Variants in IL17RD observed in about 807,000 individuals in gnomAD.
IL17RD encodes the protein interleukin-17 receptor D.
A neutral mutation model predicts 80.5 loss-of-function variants in IL17RD; 52 were observed. The ratio of observed to expected loss-of-function variants is 0.65; its 90% CI spans 0.52 to 0.81. The LOEUF is 0.81. Among genes scored for constraint, IL17RD ranks in the 40% least tolerant of loss-of-function variants. The pLI, the probability that IL17RD is intolerant of heterozygous loss-of-function variation, is 0.00. For synonymous variants in IL17RD, 416 were observed against 391.8 expected, an observed-to-expected ratio of 1.06 and a Z score of -0.73; for missense variants, 1,024 against 955.1, an observed-to-expected ratio of 1.07 and a Z score of -0.95.
intron 1 of IL17RD, among the ~76,000 whole-genome samples, chr3:57,157,279 G>T (rs530170743): frequency 7.9e-5 from 12 of 152,322 alleles, no homozygotes; most frequent in African/African-American, 2.6e-4. Context: ...AGCAGCAGAA[G>T]CCCGTTCAAG....
intron 5 of IL17RD, among the ~76,000 whole-genome samples, chr3:57,109,049 T>C (rs1403277384): frequency 6.6e-6 from 1 of 152,220 alleles, no homozygotes; most frequent in Non-Finnish European, 1.5e-5. Flanking sequence ...AGATGAGCAG[T>C]GTCTATACCT....
At position 57,114,786 on chromosome 3, in the gene IL17RD, C is replaced by T. The variant is rs778646958; in HGVS notation, c.216G>A (p.Lys72=). 131 of 1,610,522 alleles carry T rather than the reference C, an allele frequency of 8.1e-5. 1 individual carries two copies. In the East Asian group the frequency reaches 2.7e-3, roughly 33 times the overall value. ...TATTCTGGGCGTCAGCAATCACATGCTTCCCCACTGGATTCAAGTAGGTGG... is the reference window on the plus strand; with the variant it reads ...TATTCTGGGCGTCAGCAATCACATGTTTCCCCACTGGATTCAAGTAGGTGG... The part of the protein sequence containing the change: ...NCTTYLNPVG[K]HVIADAQNIT... The change falls in exon 3 of 13, where the codon AAG becomes AAA. Residue 72 remains lysine (K), a synonymous_variant. Coordinates refer to ENST00000296318, the MANE Select transcript of IL17RD (RefSeq NM_017563.5).
upstream of IL17RD, among the ~76,000 whole-genome samples, chr3:57,168,987 G>A (rs1256733689): frequency 6.6e-6 from 1 of 152,214 alleles, no homozygotes; most frequent in Non-Finnish European, 1.5e-5. Flanking sequence ...CAAAATGCTG[G>A]GATTAAAGGC....
At chr3:57,123,089 C>T (rs1445561492) in intron 1 of IL17RD, among the ~76,000 whole-genome samples, 13 of 152,160 alleles carry the variant, frequency 8.5e-5, no homozygotes, top group Non-Finnish European at 1.5e-5. Context: ...TAAATCCCTC[C>T]AAATAAAGTC....
rs188952961 is a variant in IL17RD, at chr3:57,108,462, G to C, written c.550+1075C>G. On this transcript the variant is annotated intron_variant, in intron 5 of 12. Coordinates refer to ENST00000296318, the MANE Select transcript of IL17RD (RefSeq NM_017563.5). The stretch of plus-strand genomic sequence containing the variant: ...CTCAGGATTACAGGCATGAGCCACC[G>C]AGCCAGGCCAATTTTTTTTCTTTAA... Among the ~76,000 whole-genome samples, 155 of 143,320 alleles carry C rather than the reference G, an allele frequency of 1.1e-3. 1 individual carries two copies. Among genetic ancestry groups the C allele is most frequent in the Non-Finnish European group, 1.9e-3 (128 of 66,176 alleles). The allele number at this position is 143,320 out of a possible 152,430, so 94.0% of individuals were successfully genotyped here. A position where few individuals can be genotyped will look rare whatever the true frequency, so the allele number is the denominator to read the frequency against.
chr3:57,110,563 T>C (rs1171324482), intron 3 of IL17RD, among the ~76,000 whole-genome samples: 1 of 152,236 alleles, frequency 6.6e-6, no homozygotes, highest in Non-Finnish European at 1.5e-5. Flanking sequence ...TAAATACCTA[T>C]TGCCTCTCTG....
intron 7 of IL17RD, among the ~76,000 whole-genome samples, chr3:57,105,552 A>AAAAAATATATATATATAT: frequency 2.0e-4 from 13 of 63,574 alleles, no homozygotes; most frequent in Admixed American, 5.8e-4. Flanking sequence ...AAAAAAAAAA[A>AAAAAATATATATATATAT]ATATATATAT....
chr3:57,131,787 C>T (rs960761872), intron 1 of IL17RD, among the ~76,000 whole-genome samples: 6 of 152,316 alleles, frequency 3.9e-5, no homozygotes, highest in Admixed American at 1.3e-4. Context: ...ACCCCTGAAG[C>T]CCCCAGACCT....
At chr3:57,136,637 CACT>C in intron 1 of IL17RD, among the ~76,000 whole-genome samples, 1 of 121,818 alleles carries the variant, frequency 8.2e-6, no homozygotes, top group Non-Finnish European at 1.7e-5. Context: ...CCCCAACCCC[CACT>C]CAAAAAAAAA....
intron 1 of IL17RD, among the ~76,000 whole-genome samples, chr3:57,130,419 C>A (rs1259092564): frequency 6.6e-6 from 1 of 152,226 alleles, no homozygotes; most frequent in East Asian, 1.9e-4. Flanking sequence ...ACCATAACCA[C>A]CCTTGGGTGA....
At chr3:57,169,592 T>C (rs998940549), upstream of IL17RD, among the ~76,000 whole-genome samples, 49 of 152,282 alleles carry the variant, frequency 3.2e-4, no homozygotes, top group African/African-American at 1.1e-3. Context: ...ATGAATCATT[T>C]TGAGCAGGGA....
intron 1 of IL17RD, among the ~76,000 whole-genome samples, chr3:57,151,012 ATGTT>A (rs1708048726): frequency 6.6e-6 from 1 of 152,190 alleles, no homozygotes; most frequent in Admixed American, 6.5e-5. Context: ...TTAATATCAC[ATGTT>A]TATTTAGCCC....
At chr3:57,165,360 T>A, upstream of IL17RD, 1 of 1,159,136 alleles carries the variant, frequency 8.6e-7, no homozygotes, top group South Asian at 4.2e-5. Flanking sequence ...GAGTGGGCGG[T>A]GGCCGCGGCG....
At chr3:57,161,242 G>A (rs1384939237) in intron 1 of IL17RD, among the ~76,000 whole-genome samples, 1 of 152,208 alleles carries the variant, frequency 6.6e-6, no homozygotes. Context: ...GGACAACATG[G>A]CCATACGATA....
intron 1 of IL17RD, among the ~76,000 whole-genome samples, chr3:57,157,784 T>G (rs2060278410): frequency 6.6e-6 from 1 of 152,196 alleles, no homozygotes; most frequent in South Asian, 2.1e-4. Context: ...ATATGGCCTA[T>G]CTCAGGAAAA....
chr3:57,109,703 C>T (rs745886704), intron 4 of IL17RD, 46 bp from the exon 5 acceptor site: 3 of 1,590,414 alleles, frequency 1.9e-6, no homozygotes, highest in Admixed American at 1.7e-5. Context: ...AAATTACCCA[C>T]CCCTCCACCT....
Position 57,105,896 on chromosome 3 carries a change from G to C in IL17RD, c.708C>G (p.Leu236=), listed in dbSNP as rs770136337. The change falls in exon 7 of 13, where the codon CTC becomes CTG. Residue 236 remains leucine, a synonymous_variant. Transcript: ENST00000296318. Reference sequence around the variant, plus strand: ...TTCGCTTGAAAGGTCCTTCGTGCTTGAGCTTGTAGTGAAGATAGAAGAAAC... The same window carrying C: ...TTCGCTTGAAAGGTCCTTCGTGCTTCAGCTTGTAGTGAAGATAGAAGAAAC... The part of the protein sequence containing the change: ...GFRFFYLHYK[L]KHEGPFKRKT... 2 of 1,613,914 alleles carry C rather than the reference G, an allele frequency of 1.2e-6. No individual in the cohort carries two copies. Among genetic ancestry groups the C allele is most frequent in the Admixed American group, 3.3e-5 (2 of 60,012 alleles).
At chr3:57,143,213 T>C (rs190527497) in intron 1 of IL17RD, among the ~76,000 whole-genome samples, 15 of 152,328 alleles carry the variant, frequency 9.8e-5, no homozygotes, top group Admixed American at 9.8e-4. Context: ...TTAACTCCGC[T>C]GTCAGCCACT....
chr3:57,134,748 C>T (rs1707685626), intron 1 of IL17RD: 2 of 558,622 alleles, frequency 3.6e-6, no homozygotes, highest in South Asian at 1.8e-5. Flanking sequence ...TCTGTACATA[C>T]TGGCCTCAGC....
Sources: allele counts gnomAD v4.1 joint callset (sites outside exome capture counted in the v4.1 genomes callset), GRCh38; gene constraint gnomAD v4.1.1; transcripts MANE v1.5; gene names NCBI Gene and HGNC (gene_info 2026-07-23, HGNC 2026-07-21).